Variants in UNC5D observed in about 807,000 individuals in gnomAD.
UNC5D encodes the protein netrin receptor UNC5D.
UNC5D carries 39 observed loss-of-function variants against 105.4 expected under a neutral mutation model. The ratio of observed to expected loss-of-function variants is 0.37; its 90% CI spans 0.29 to 0.48. The LOEUF (loss-of-function observed/expected upper bound fraction) is 0.48, where lower values mean the gene tolerates loss of function less well. Ranked by LOEUF, UNC5D falls within the 20% of genes least tolerant of loss-of-function variation. The pLI is 0.98. For synonymous variants in UNC5D, 452 were observed against 450.4 expected (o/e 1.00, Z -0.04); for missense variants, 991 against 1,202.4 (o/e 0.82, Z 2.60).
intron 11 of UNC5D, among the ~76,000 whole-genome samples, chr8:35,736,725 T>A (rs1055095939): frequency 6.6e-6 from 1 of 152,172 alleles, no homozygotes; most frequent in Non-Finnish European, 1.5e-5. Flanking sequence ...TAAAAGGGGT[T>A]TCTCTCCAAG....
intron 1 of UNC5D, among the ~76,000 whole-genome samples, chr8:35,531,793 T>C (rs2130549855): frequency 3.3e-4 from 1 of 3,068 alleles, no homozygotes; most frequent in South Asian, 7.6e-3. Flanking sequence ...CCCTTTACCA[T>C]TATGTAATGG....
intron 4 of UNC5D, among the ~76,000 whole-genome samples, chr8:35,598,774 G>A (rs1004476530): frequency 1.2e-4 from 18 of 152,106 alleles, no homozygotes; most frequent in African/African-American, 4.1e-4. Context: ...AACCAAGCAG[G>A]CAGTATGTCA....
At chr8:35,264,222 C>G (rs540584228) in intron 1 of UNC5D, among the ~76,000 whole-genome samples, 1 of 152,310 alleles carries the variant, frequency 6.6e-6, no homozygotes, top group South Asian at 2.1e-4. Flanking sequence ...AATCTATTTG[C>G]TCAGGCACTG....
chr8:35,266,067 T>C (rs1374702263), intron 1 of UNC5D, among the ~76,000 whole-genome samples: 7 of 151,928 alleles, frequency 4.6e-5, no homozygotes, highest in Non-Finnish European at 1.0e-4. Context: ...AACTTTTCAA[T>C]AGTAAAAATA....
chr8:35,743,232 C>T (rs1303005543), intron 11 of UNC5D, among the ~76,000 whole-genome samples: 1 of 151,898 alleles, frequency 6.6e-6, no homozygotes, highest in African/African-American at 2.4e-5. Context: ...GAAAAATTCT[C>T]CCTGGGCCTT....
intron 4 of UNC5D, among the ~76,000 whole-genome samples, chr8:35,655,758 G>A (rs945303663): frequency 2.0e-5 from 3 of 152,114 alleles, no homozygotes. Context: ...TATAAGAAGG[G>A]CAGTCCTTTC....
At chr8:35,245,208 G>C (rs1476500434) in intron 1 of UNC5D, among the ~76,000 whole-genome samples, 1 of 152,008 alleles carries the variant, frequency 6.6e-6, no homozygotes, top group African/African-American at 2.4e-5. Context: ...GCAGTTTAGT[G>C]GCACAATACA....
At chr8:35,288,584 G>A (rs763558579) in intron 1 of UNC5D, among the ~76,000 whole-genome samples, 4 of 151,780 alleles carry the variant, frequency 2.6e-5, no homozygotes, top group Non-Finnish European at 5.9e-5. Context: ...CTGTAACGGT[G>A]GTATATAAAA....
intron 8 of UNC5D, among the ~76,000 whole-genome samples, chr8:35,721,258 CTT>C (rs1828566264): frequency 6.6e-6 from 1 of 151,864 alleles, no homozygotes. Flanking sequence ...CTCTTTGAGA[CTT>C]ATATTATCTC....
intron 1 of UNC5D, among the ~76,000 whole-genome samples, chr8:35,543,210 A>AAGC (rs988579972): frequency 1.2e-4 from 18 of 151,820 alleles, no homozygotes; most frequent in Admixed American, 1.0e-3. Context: ...GTGAAAAGAA[A>AAGC]AGCATACTTT....
chr8:35,284,683 T>C (rs558022925), intron 1 of UNC5D, among the ~76,000 whole-genome samples: 43 of 152,258 alleles, frequency 2.8e-4, no homozygotes, highest in Middle Eastern at 3.4e-3. Context: ...GCCTCCTGGA[T>C]AGCTGATACT....
chr8:35,760,733 G>A (rs1801487913), intron 14 of UNC5D, among the ~76,000 whole-genome samples: 1 of 151,658 alleles, frequency 6.6e-6, no homozygotes, highest in Admixed American at 6.6e-5. Flanking sequence ...AGCATAATGT[G>A]TAGCGTCCTC....
intron 4 of UNC5D, among the ~76,000 whole-genome samples, chr8:35,633,807 A>G (rs1212375108): frequency 6.6e-6 from 1 of 152,174 alleles, no homozygotes; most frequent in Non-Finnish European, 1.5e-5. Flanking sequence ...ACAAACTTCT[A>G]GGATCGTGGA....
chr8:35,340,853 ATTTTGGTCAAAAATCT>A (rs1387987065), intron 1 of UNC5D, among the ~76,000 whole-genome samples: 2 of 152,164 alleles, frequency 1.3e-5, no homozygotes, highest in African/African-American at 4.8e-5. Flanking sequence ...GGTGAAACAT[ATTTTGGTCAAAAATCT>A]ATTCTTCTGA....
intron 4 of UNC5D, among the ~76,000 whole-genome samples, chr8:35,644,829 A>T (rs552135822): frequency 2.2e-4 from 33 of 152,310 alleles, no homozygotes; most frequent in African/African-American, 7.7e-4. Context: ...TCACTAAAAG[A>T]GTTAGATGTT....
At chr8:35,564,580 C>T (rs1220574668) in intron 2 of UNC5D, among the ~76,000 whole-genome samples, 1 of 152,146 alleles carries the variant, frequency 6.6e-6, no homozygotes, top group East Asian at 1.9e-4. Flanking sequence ...TCCACTCCAG[C>T]TTGCTTTCTG....
chr8:35,354,288 T>C (rs1013452615), intron 1 of UNC5D, among the ~76,000 whole-genome samples: 1 of 152,176 alleles, frequency 6.6e-6, no homozygotes, highest in African/African-American at 2.4e-5. Flanking sequence ...TGCTTTGTTC[T>C]TTTGATATAT....
rs141801014 is a variant in UNC5D at position 35,297,253 on chromosome 8, G to A, written c.103+61366G>A. Among the ~76,000 whole-genome samples the A allele has an allele frequency of 1.6e-4, 24 of 152,158 alleles. No individual in the cohort carries two copies. The East Asian group carries it at 3.7e-3, about 23-fold the overall frequency. ...GCTTAGCAAAAAATCCTCATAGCTA[G>A]TCACACAAAGAATTCTTGGTTATTG... On this transcript the variant is annotated intron_variant, in intron 1 of 16. Transcript: ENST00000404895.
chr8:35,740,921 A>G (rs1290784916), intron 11 of UNC5D, among the ~76,000 whole-genome samples: 2 of 152,168 alleles, frequency 1.3e-5, no homozygotes, highest in African/African-American at 2.4e-5. Flanking sequence ...ACCTCCAGAG[A>G]AGGCTGTTTT....
Sources: allele counts gnomAD v4.1 joint callset (sites outside exome capture counted in the v4.1 genomes callset), GRCh38; gene constraint gnomAD v4.1.1; transcripts MANE v1.5; gene names NCBI Gene and HGNC (gene_info 2026-07-23, HGNC 2026-07-21).